IL16: variants seen among roughly 807,000 people sequenced by gnomAD.
IL16 encodes interleukin 16.
A neutral mutation model predicts 110.1 loss-of-function variants in IL16; 67 were observed. The ratio of observed to expected loss-of-function variants is 0.61; its 90% CI spans 0.50 to 0.75. The LOEUF (loss-of-function observed/expected upper bound fraction) is 0.75, where lower values mean the gene tolerates loss of function less well. Ranked by LOEUF, IL16 falls within the 30% of genes least tolerant of loss-of-function variation. The pLI is 0.00. For missense variants in IL16, 1,545 were observed against 1,655.0 expected, an observed-to-expected ratio of 0.93 and a Z score of 1.15; for synonymous variants, 689 against 662.9, an observed-to-expected ratio of 1.04 and a Z score of -0.61.
rs1900024336 is a variant in IL16 at position 81,297,094 on chromosome 15, G to C, written c.2053+16G>C. 1 of 1,599,450 alleles carries C rather than the reference G, an allele frequency of 6.3e-7. No individual in the cohort carries two copies. The highest frequency in any genetic ancestry group is 1.4e-5 in the African/African-American group (1 of 73,998). On this transcript the variant is annotated intron_variant, in intron 13 of 18. Transcript: ENST00000683961. The stretch of plus-strand genomic sequence containing the variant: ...GCCAGCCCAGGTAAGCTTTCATTGA[G>C]ATCTTCCAAAAGGAAGGGTCTTTTG...
At chr15:81,247,168 T>C (rs1390852658) in intron 2 of IL16, among the ~76,000 whole-genome samples, 1 of 148,670 alleles carries the variant, frequency 6.7e-6, no homozygotes, top group East Asian at 1.9e-4. Context: ...TATAATTTTG[T>C]CAACTCCCCT....
At chr15:81,221,003 T>A (rs2142022144) in intron 1 of IL16, among the ~76,000 whole-genome samples, 1 of 152,196 alleles carries the variant, frequency 6.6e-6, no homozygotes, top group Non-Finnish European at 1.5e-5. Flanking sequence ...AAACATATAC[T>A]GATAACTATG....
At chr15:81,221,972 T>C (rs914555428) in intron 1 of IL16, among the ~76,000 whole-genome samples, 35 of 152,180 alleles carry the variant, frequency 2.3e-4, no homozygotes, top group Non-Finnish European at 3.4e-4. Flanking sequence ...CAGCCAACTA[T>C]TCCACCACTG....
chr15:81,299,783 A>G lies in IL16; in HGVS notation c.2457A>G (p.Ala819=). ...LPDPALSTQP[A]PASREHLGSH... The stretch of plus-strand genomic sequence containing the variant: ...ATCCTGCCTTGTCCACCCAGCCAGC[A>G]CCTGCTTCCAGGGAGCACCTAGGAT... The change falls in exon 14 of 19, where the codon GCA becomes GCG. Residue 819 remains alanine, a synonymous_variant. Coordinates refer to ENST00000683961, the MANE Select transcript of IL16 (RefSeq NM_172217.5). 2 of 1,614,048 alleles carry G rather than the reference A, an allele frequency of 1.2e-6. 1 individual carries two copies. The highest frequency in any genetic ancestry group is 2.2e-5 in the South Asian group (2 of 91,078).
chr15:81,290,967 T>C (rs550134396), intron 11 of IL16, among the ~76,000 whole-genome samples: 3 of 152,342 alleles, frequency 2.0e-5, no homozygotes, highest in African/African-American at 7.2e-5. Flanking sequence ...TTATAATAAA[T>C]CAGAGACTAT....
rs56259509 is a variant in IL16, at chr15:81,267,479, GACACACAC to G, written c.564+1698_564+1705del. Reference sequence around the variant, plus strand: ...ACACATACGCAGACACACATACACAGACACACACACACACACACACACACACAGAGAGA... The same window carrying G: ...ACACATACGCAGACACACATACACAGACACACACACACACACACAGAGAGA... On this transcript the variant is annotated intron_variant, in intron 4 of 18. Coordinates refer to ENST00000683961, the MANE Select transcript of IL16 (RefSeq NM_172217.5). 6.5e-5 allele frequency among the ~76,000 whole-genome samples: 7 copies of G among 107,658 alleles called. No homozygotes were observed. The South Asian group carries it at 9.3e-4, about 14-fold the overall frequency. 70.6% of individuals were successfully genotyped at this position (107,658 alleles called of 152,430 possible).
At chr15:81,305,539 A>G (rs577401604) in intron 16 of IL16, among the ~76,000 whole-genome samples, 2 of 152,122 alleles carry the variant, frequency 1.3e-5, no homozygotes, top group East Asian at 1.9e-4. Flanking sequence ...TTCTTACACA[A>G]TACCCGTTAA....
intron 2 of IL16, among the ~76,000 whole-genome samples, chr15:81,231,821 T>C (rs1403277628): frequency 2.0e-5 from 3 of 152,220 alleles, no homozygotes; most frequent in Non-Finnish European, 2.9e-5. Flanking sequence ...GAATATCCAA[T>C]GTAGTCAACA....
chr15:81,254,588 C>A (rs1447443070), intron 2 of IL16, among the ~76,000 whole-genome samples: 2 of 152,160 alleles, frequency 1.3e-5, no homozygotes, highest in Non-Finnish European at 2.9e-5. Context: ...GTGTATCACC[C>A]ACAGAACCTC....
At chr15:81,284,285 A>G (rs1899338648) in intron 9 of IL16, among the ~76,000 whole-genome samples, 1 of 152,168 alleles carries the variant, frequency 6.6e-6, no homozygotes, top group Non-Finnish European at 1.5e-5. Context: ...GAGTTTTGCC[A>G]TCCTTTTAAA....
chr15:81,288,505 G>GTTTTTTT (rs1899552670), intron 10 of IL16, among the ~76,000 whole-genome samples: 1 of 152,170 alleles, frequency 6.6e-6, no homozygotes, highest in African/African-American at 2.4e-5. Flanking sequence ...TAAGTGTACA[G>GTTTTTTT]TTCAGTGGCA....
Position 81,272,919 on chromosome 15 carries a change from T to G in IL16, c.676-171T>G, listed in dbSNP as rs200765569. On this transcript the variant is annotated intron_variant, in intron 5 of 18. Transcript: ENST00000683961. ...GCTCTTCCTATTTTTGTTGTTGTTG[T>G]TGGTGTTGTTGTTGTTGTTGTTGTT... Among the ~76,000 whole-genome samples the G allele has an allele frequency of 1.6e-3, 204 of 129,224 alleles. No homozygotes were observed. Among genetic ancestry groups the G allele is most frequent in the East Asian group, 6.0e-3 (30 of 5,036 alleles). 84.8% of individuals were successfully genotyped at this position (129,224 alleles called of 152,430 possible). A position where few individuals can be genotyped will look rare whatever the true frequency, so the allele number is the denominator to read the frequency against.
At chr15:81,230,706 A>C (rs1005971577) in intron 2 of IL16, among the ~76,000 whole-genome samples, 11 of 152,134 alleles carry the variant, frequency 7.2e-5, no homozygotes, top group African/African-American at 2.7e-4. Flanking sequence ...AATATTCCAC[A>C]ATAATAGGAT....
Position 81,280,098 on chromosome 15 carries a change from G to A in IL16, c.1081+324G>A, listed in dbSNP as rs185507275. Among the ~76,000 whole-genome samples the A allele has an allele frequency of 7.2e-5, 11 of 152,260 alleles. No individual in the cohort carries two copies. In the East Asian group the frequency reaches 1.2e-3, roughly 16 times the overall value. ...AGCTCTGCAGTAAATATGCTAAGAC[G>A]CCCTGGGCAGGCCACCTTCCCTTCC... On this transcript the variant is annotated intron_variant, in intron 8 of 18. Transcript: ENST00000683961.
chr15:81,285,359 G>T (rs1278713181), intron 9 of IL16, among the ~76,000 whole-genome samples: 2 of 152,168 alleles, frequency 1.3e-5, no homozygotes, highest in African/African-American at 2.4e-5. Flanking sequence ...CTGGTTAATT[G>T]TTATTTAGTT....
intron 1 of IL16, among the ~76,000 whole-genome samples, chr15:81,203,576 G>A (rs1333154564): frequency 6.6e-6 from 1 of 152,008 alleles, no homozygotes; most frequent in East Asian, 1.9e-4. Flanking sequence ...TATTAAATAG[G>A]GAATCCTTTC....
intron 3 of IL16, among the ~76,000 whole-genome samples, chr15:81,263,103 T>A (rs1898222573): frequency 7.2e-6 from 1 of 139,306 alleles, no homozygotes; most frequent in Admixed American, 6.8e-5. Flanking sequence ...TACTTCTGAT[T>A]TCCTTAAGTT....
At chr15:81,183,230 G>C (rs925697434) in intron 1 of IL16, among the ~76,000 whole-genome samples, 3 of 152,162 alleles carry the variant, frequency 2.0e-5, no homozygotes, top group Non-Finnish European at 4.4e-5. Flanking sequence ...CATGTGCCCC[G>C]GCTTCCTCTT....
chr15:81,221,201 ACTT>A (rs1253692279), intron 1 of IL16, among the ~76,000 whole-genome samples: 2 of 151,976 alleles, frequency 1.3e-5, no homozygotes, highest in African/African-American at 4.8e-5. Flanking sequence ...GAGCTGCAGA[ACTT>A]CTCGGTTTTT....
Sources: allele counts gnomAD v4.1 joint callset (sites outside exome capture counted in the v4.1 genomes callset), GRCh38; gene constraint gnomAD v4.1.1; transcripts MANE v1.5; gene names NCBI Gene and HGNC (gene_info 2026-07-23, HGNC 2026-07-21).